CSTPP1: variants seen among roughly 807,000 people sequenced by gnomAD.
CSTPP1 encodes the protein centriolar satellite-associated tubulin polyglutamylase complex regulator 1.
chr11:47,113,523 C>A, the CSTPP1 span, among the ~76,000 whole-genome samples: 1 of 152,180 alleles, frequency 6.6e-6, no homozygotes, highest in Non-Finnish European at 1.5e-5. Flanking sequence ...TGTTTCCTGA[C>A]TTTTTAATGA....
the CSTPP1 span, among the ~76,000 whole-genome samples, chr11:46,978,015 A>C: frequency 2.0e-5 from 3 of 152,270 alleles, no homozygotes; most frequent in African/African-American, 7.2e-5. Context: ...TGGGAGGCAC[A>C]GTCCTAAAGT....
chr11:47,020,219 A>G, the CSTPP1 span, among the ~76,000 whole-genome samples: 1 of 152,240 alleles, frequency 6.6e-6, no homozygotes, highest in Non-Finnish European at 1.5e-5. Context: ...GTCCCTATCC[A>G]CATGATGGCT....
the CSTPP1 span, among the ~76,000 whole-genome samples, chr11:47,142,020 G>A: frequency 1.3e-5 from 2 of 151,356 alleles, no homozygotes; most frequent in African/African-American, 4.9e-5. Context: ...CAAGGTGGGT[G>A]GATCACGAGG....
At chr11:47,113,021 T>A in the CSTPP1 span, among the ~76,000 whole-genome samples, 3 of 152,150 alleles carry the variant, frequency 2.0e-5, no homozygotes, top group Admixed American at 6.6e-5. Flanking sequence ...ACCCGGTGTG[T>A]GATGTTCCCC....
chr11:47,054,014 A>T, the CSTPP1 span, among the ~76,000 whole-genome samples: 3 of 149,992 alleles, frequency 2.0e-5, no homozygotes, highest in Admixed American at 6.6e-5. Flanking sequence ...TTTTTTTTTT[A>T]AAGACCCTGT....
At chr11:47,155,696 G>A in the CSTPP1 span, 1 of 183,714 alleles carries the variant, frequency 5.4e-6, no homozygotes, top group South Asian at 1.3e-4. Context: ...ATAAGTGGTG[G>A]AGACCAGACC....
chr11:47,101,325 A>T, the CSTPP1 span, among the ~76,000 whole-genome samples: 1 of 151,390 alleles, frequency 6.6e-6, no homozygotes, highest in Non-Finnish European at 1.5e-5. Context: ...GAATCAAAAG[A>T]GCCTGAGGGT....
At chr11:47,080,707 T>G in the CSTPP1 span, among the ~76,000 whole-genome samples, 4 of 151,862 alleles carry the variant, frequency 2.6e-5, no homozygotes, top group East Asian at 7.8e-4. Flanking sequence ...AATCAATAAT[T>G]TATTTTAAAA....
chr11:47,159,776 C>T, the CSTPP1 span: 775 of 447,746 alleles, frequency 1.7e-3, 2 homozygotes, highest in African/African-American at 0.014. Flanking sequence ...GAGGCCGAGG[C>T]GGCGGATCAC....
chr11:47,123,975 G>A, the CSTPP1 span, among the ~76,000 whole-genome samples: 3 of 151,752 alleles, frequency 2.0e-5, no homozygotes, highest in African/African-American at 4.8e-5. Flanking sequence ...CAAATTATGC[G>A]CTACCCAGTC....
At chr11:46,937,307 C>A in the CSTPP1 span, among the ~76,000 whole-genome samples, 1 of 150,380 alleles carries the variant, frequency 6.6e-6, no homozygotes, top group African/African-American at 2.5e-5. Context: ...GTGTTTTCTT[C>A]CAGTTTTGCA....
At chr11:46,994,027 C>A in the CSTPP1 span, among the ~76,000 whole-genome samples, 3 of 152,184 alleles carry the variant, frequency 2.0e-5, no homozygotes, top group South Asian at 6.2e-4. Flanking sequence ...GTATTTTATT[C>A]TCTTTGAAGT....
chr11:46,980,652 C>T, the CSTPP1 span, among the ~76,000 whole-genome samples: 38 of 151,828 alleles, frequency 2.5e-4, no homozygotes, highest in Admixed American at 4.6e-4. Flanking sequence ...TTGACTGTAT[C>T]AACACTTAAA....
At chr11:47,001,243 GGT>G in the CSTPP1 span, among the ~76,000 whole-genome samples, 1 of 152,084 alleles carries the variant, frequency 6.6e-6, no homozygotes, top group African/African-American at 2.4e-5. Context: ...CCCCCTCATG[GGT>G]AACTGGCCTC....
chr11:47,027,042 T>A, the CSTPP1 span, among the ~76,000 whole-genome samples: 1 of 152,326 alleles, frequency 6.6e-6, no homozygotes, highest in South Asian at 2.1e-4. Flanking sequence ...ATTTCTAACA[T>A]GCTATAAAGA....
At chr11:46,937,457 T>C in the CSTPP1 span, among the ~76,000 whole-genome samples, 1 of 152,232 alleles carries the variant, frequency 6.6e-6, no homozygotes, top group Non-Finnish European at 1.5e-5. Context: ...GCTAAGACTG[T>C]ATATGTAGTA....
the CSTPP1 span, among the ~76,000 whole-genome samples, chr11:46,995,749 T>C: frequency 6.6e-6 from 1 of 152,208 alleles, no homozygotes; most frequent in Non-Finnish European, 1.5e-5. Flanking sequence ...AGAATGTATA[T>C]TCTGTTGATA....
At chr11:47,045,549 A>G in the CSTPP1 span, among the ~76,000 whole-genome samples, 1 of 152,128 alleles carries the variant, frequency 6.6e-6, no homozygotes, top group Admixed American at 6.5e-5. Flanking sequence ...GGTTTGTGCA[A>G]CCTTTATAAA....
the CSTPP1 span, chr11:47,041,556 C>T: frequency 5.0e-6 from 2 of 397,620 alleles, 1 homozygote. Flanking sequence ...GCCTCATGAC[C>T]TCAGCATAGC....
Sources: gnomAD v4.1 joint callset for allele counts (sites outside exome capture counted in the v4.1 genomes callset) on GRCh38, gnomAD v4.1.1 for gene constraint, MANE v1.5 for transcripts, NCBI Gene and HGNC (gene_info 2026-07-23, HGNC 2026-07-21) for gene names.